Variants in ARHGEF12 observed in about 807,000 individuals in gnomAD.
The protein encoded by ARHGEF12 is KMT2A/ARHGEF12 fusion protein.
In ARHGEF12, 66 loss-of-function variants were observed where a neutral mutation model predicts 211.2. The ratio of observed to expected loss-of-function variants is 0.31; its 90% CI spans 0.26 to 0.38. The LOEUF (loss-of-function observed/expected upper bound fraction) is 0.38. ARHGEF12 is among the 10% of genes least tolerant of loss of function. The probability of loss-of-function intolerance (pLI) is 1.00; values close to 1 mark genes in which losing one functional copy is unlikely to be tolerated. For missense variants in ARHGEF12, 1,429 were observed against 1,869.5 expected (o/e 0.76, Z 4.34); for synonymous variants, 592 against 638.4 (o/e 0.93, Z 1.09).
intron 28 of ARHGEF12, 109 bp downstream of exon 28, chr11:120,465,471 A>G: frequency 6.9e-7 from 1 of 1,449,078 alleles, no homozygotes; most frequent in Non-Finnish European, 9.3e-7. Flanking sequence ...CATCTGTGTT[A>G]ACTTTTTTTT....
intron 1 of ARHGEF12, among the ~76,000 whole-genome samples, chr11:120,347,156 C>CTTCT (rs1942768581): frequency 4.0e-5 from 2 of 50,510 alleles, no homozygotes; most frequent in Admixed American, 1.7e-4. Context: ...TCCTTCCTTC[C>CTTCT]TTCCTTCCTT....
At chr11:120,357,971 G>A (rs1278575765) in intron 1 of ARHGEF12, among the ~76,000 whole-genome samples, 1 of 152,174 alleles carries the variant, frequency 6.6e-6, no homozygotes. Context: ...TGATGGATGG[G>A]CACAGCAGTT....
intron 26 of ARHGEF12, 50 bp from the exon 27 acceptor site, chr11:120,460,622 C>A: frequency 6.7e-7 from 1 of 1,502,184 alleles, no homozygotes; most frequent in Non-Finnish European, 9.2e-7. Flanking sequence ...ACCAGTAATT[C>A]TGTCTACACT....
At chr11:120,449,427 G>A (rs549916707) in intron 21 of ARHGEF12, 7 of 481,540 alleles carry the variant, frequency 1.5e-5, no homozygotes, top group African/African-American at 5.9e-5. Context: ...TGGGCTGGGC[G>A]TGGTGATTCA....
At chr11:120,477,557 T>C (rs1275572097) in intron 36 of ARHGEF12, 31 bp downstream of exon 36, 3 of 1,580,780 alleles carry the variant, frequency 1.9e-6, no homozygotes, top group East Asian at 2.2e-5. Context: ...CAATGGAGAA[T>C]GTGCTCTATT....
intron 1 of ARHGEF12, among the ~76,000 whole-genome samples, chr11:120,370,421 T>G (rs1201806410): frequency 6.6e-6 from 1 of 152,214 alleles, no homozygotes; most frequent in Non-Finnish European, 1.5e-5. Flanking sequence ...CTTACCTTGT[T>G]TTTCTTCTTC....
At chr11:120,347,260 CTCTCTCTG>C (rs1345211643) in intron 1 of ARHGEF12, among the ~76,000 whole-genome samples, 17 of 117,138 alleles carry the variant, frequency 1.5e-4, no homozygotes, top group African/African-American at 5.4e-4. Context: ...CTCTCTCTCT[CTCTCTCTG>C]TCTGTGTGTG....
At position 120,478,147 on chromosome 11, in the gene ARHGEF12, A is replaced by C; in HGVS notation, c.3533-9A>C. 2 of 1,593,726 alleles carry C rather than the reference A, an allele frequency of 1.3e-6. No individual in the cohort carries two copies. The highest frequency in any genetic ancestry group is 2.2e-5 in the South Asian group (2 of 90,486). ...AGATATAGTCTACCTTTTCTATTCC[A>C]TTGGACAGACAGAGATTTGGGATTA... On this transcript the variant is annotated splice_polypyrimidine_tract_variant and intron_variant, in intron 36 of 40. Transcript: ENST00000397843.
chr11:120,462,874 A>G (rs796877333), intron 27 of ARHGEF12: 5 of 152,338 alleles, frequency 3.3e-5, no homozygotes, highest in African/African-American at 9.6e-5. Flanking sequence ...AGTAATACAC[A>G]TTCAATAGAA....
chr11:120,447,009 C>T lies in ARHGEF12; in HGVS notation c.1513C>T (p.Arg505Ter), dbSNP rs752404554. The part of the protein sequence containing the change: ...ESELTKLDAE[R>*]DKDRLTLEKE... ...CGAGCTGACTAAACTTGATGCAGAG[C>T]GAGACAAGGACCGATTGACTTTGGA... is the stretch of plus-strand genomic sequence containing the variant. Residue 505 changes from arginine to a stop codon, truncating the protein, a stop_gained, in exon 18 of 41, where the codon CGA becomes TGA. Transcript: ENST00000397843. LOFTEE classifies it high-confidence loss of function. The T allele has an allele frequency of 6.2e-7, 1 of 1,614,112 alleles. No homozygotes were observed. Among genetic ancestry groups the T allele is most frequent in the East Asian group, 2.2e-5 (1 of 44,868 alleles).
chr11:120,377,998 G>A (rs1209384145), intron 1 of ARHGEF12, among the ~76,000 whole-genome samples: 2 of 151,268 alleles, frequency 1.3e-5, no homozygotes, highest in Non-Finnish European at 3.0e-5. Flanking sequence ...ATCAGCCTTG[G>A]TTAGGGATCC....
At chr11:120,371,019 A>T (rs1466954223) in intron 1 of ARHGEF12, among the ~76,000 whole-genome samples, 1 of 152,218 alleles carries the variant, frequency 6.6e-6, no homozygotes, top group Non-Finnish European at 1.5e-5. Context: ...TTCTGAGCCT[A>T]ATTCTCTTAA....
At chr11:120,457,321 C>A (rs1300676529) in intron 23 of ARHGEF12, 71 bp downstream of exon 23, 21 of 1,545,716 alleles carry the variant, frequency 1.4e-5, no homozygotes, top group Admixed American at 1.1e-4. Context: ...TATTCCTATA[C>A]TTAGTAGCAT....
chr11:120,452,872 C>T (rs1017395300), intron 22 of ARHGEF12, among the ~76,000 whole-genome samples: 2 of 151,838 alleles, frequency 1.3e-5, no homozygotes, highest in African/African-American at 2.4e-5. Flanking sequence ...GACATGCACC[C>T]GTAATCCCAG....
At chr11:120,470,031 A>G (rs1301868719) in intron 30 of ARHGEF12, among the ~76,000 whole-genome samples, 3 of 152,250 alleles carry the variant, frequency 2.0e-5, no homozygotes, top group South Asian at 2.1e-4. Context: ...GAAAATTTAC[A>G]TGAGTGTGGA....
intron 27 of ARHGEF12, among the ~76,000 whole-genome samples, chr11:120,462,001 T>C (rs1946550543): frequency 8.7e-6 from 1 of 115,060 alleles, no homozygotes; most frequent in African/African-American, 3.1e-5. Flanking sequence ...GCTGTTTCAC[T>C]TTCCTCTTGT....
chr11:120,479,990 A>G lies in ARHGEF12; in HGVS notation c.3797A>G (p.Gln1266Arg), dbSNP rs1314376199. Residue 1266 changes from glutamine to arginine, a missense_variant, in exon 38 of 41, where the codon CAG becomes CGG. Around this residue, in one of 7 missense-constraint regions of ARHGEF12, gnomAD observed 467 missense variants for 468.4 expected, o/e 1.00. Coordinates refer to ENST00000397843, the MANE Select transcript of ARHGEF12 (RefSeq NM_015313.3). ...LGLLKQLLVQ[Q>R]LGLTEKSVQE... ...TTGTTGAAGCAGTTGCTGGTGCAAC[A>G]GCTAGGTTTGACTGAGAAGAGCGTT... 1.9e-6 allele frequency: 3 copies of G among 1,613,914 alleles called. No individual in the cohort carries two copies. Among genetic ancestry groups the G allele is most frequent in the African/African-American group, 2.7e-5 (2 of 75,030 alleles).
intron 1 of ARHGEF12, among the ~76,000 whole-genome samples, chr11:120,405,410 G>A (rs935547812): frequency 2.0e-5 from 3 of 151,832 alleles, no homozygotes; most frequent in Non-Finnish European, 2.9e-5. Flanking sequence ...AGAGAACCAG[G>A]AGGAAATGCT....
At chr11:120,362,533 G>A (rs1004422795) in intron 1 of ARHGEF12, among the ~76,000 whole-genome samples, 4 of 152,134 alleles carry the variant, frequency 2.6e-5, no homozygotes, top group African/African-American at 9.7e-5. Context: ...ACTGAAAACT[G>A]ATGAAATCTG....
Sources: allele counts gnomAD v4.1 joint callset (sites outside exome capture counted in the v4.1 genomes callset), GRCh38; gene constraint gnomAD v4.1.1; regional missense constraint gnomAD v4.1.1; transcripts MANE v1.5; gene names NCBI Gene and HGNC (gene_info 2026-07-23, HGNC 2026-07-21).